Variants in SHC3 observed in about 807,000 individuals in gnomAD.
The protein encoded by SHC3 is SHC adaptor protein 3.
In SHC3, 15 loss-of-function variants were observed where a neutral mutation model predicts 60.4. The ratio of observed to expected loss-of-function variants is 0.25; its 90% confidence interval spans 0.17 to 0.38. The LOEUF is 0.38. Ranked by LOEUF, SHC3 falls within the 10% of genes least tolerant of loss-of-function variation. The probability of loss-of-function intolerance (pLI) is 1.00; values close to 1 mark genes in which losing one functional copy is unlikely to be tolerated. For synonymous variants in SHC3, 294 were observed against 325.9 expected, an observed-to-expected ratio of 0.90 and a Z score of 1.05; for missense variants, 677 against 786.1, an observed-to-expected ratio of 0.86 and a Z score of 1.66.
In SHC3 at chr9:89,146,320, G is replaced by C. The variant is rs552664301; in HGVS notation, c.474+31667C>G. ...TGCAGTAAGCTGAGATCGCGCCACTGCACTCCAGCCTGGGTGACGGAGCGA... is the reference window on the plus strand; with the variant it reads ...TGCAGTAAGCTGAGATCGCGCCACTCCACTCCAGCCTGGGTGACGGAGCGA... On this transcript the variant is annotated intron_variant, in intron 1 of 11. Transcript: ENST00000375835. Among the ~76,000 whole-genome samples, 53 of 151,970 alleles carry C rather than the reference G, an allele frequency of 3.5e-4. No individual in the cohort carries two copies. In the East Asian group the frequency reaches 6.2e-3, roughly 18 times the overall value.
chr9:89,112,421 C>G (rs978988396), intron 2 of SHC3, 135 bp downstream of exon 2: 3 of 818,652 alleles, frequency 3.7e-6, no homozygotes, highest in Non-Finnish European at 5.9e-6. Context: ...GAGATGAGGA[C>G]AGTACTGACT....
rs1826025356 is a variant in SHC3, at chr9:89,012,520, A to T, written c.*927T>A. On this transcript the variant is annotated 3_prime_UTR_variant, in exon 12 of 12. Coordinates refer to ENST00000375835, the MANE Select transcript of SHC3 (RefSeq NM_016848.6). ...ACACAGGCTTCTCCCCTATTGTATA[A>T]GGCGGGCGGGGGACTTTACTAGCAA... 1 of 152,064 alleles carries T rather than the reference A, an allele frequency of 6.6e-6. No homozygotes were observed. Among genetic ancestry groups the T allele is most frequent in the South Asian group, 2.1e-4 (1 of 4,822 alleles). The allele number at this position is 152,064 out of a possible 1,614,324, so 9.4% of individuals were successfully genotyped here.
intron 7 of SHC3, among the ~76,000 whole-genome samples, chr9:89,049,217 CGCCACTGCACTCCA>C (rs1824823287): frequency 6.6e-6 from 1 of 152,112 alleles, no homozygotes. Flanking sequence ...GCCAAGATCG[CGCCACTGCACTCCA>C]GCCTGAGTGA....
At chr9:89,119,413 G>A (rs548316392) in intron 1 of SHC3, among the ~76,000 whole-genome samples, 35 of 151,838 alleles carry the variant, frequency 2.3e-4, no homozygotes, top group African/African-American at 8.2e-4. Context: ...AATATGTATG[G>A]GTTAAACAAA....
intron 10 of SHC3, among the ~76,000 whole-genome samples, chr9:89,041,494 T>C (rs1190282986): frequency 6.6e-6 from 1 of 151,700 alleles, no homozygotes; most frequent in African/African-American, 2.4e-5. Context: ...TGGAGTGAGG[T>C]AAAAGGTGAG....
rs950555832 is a variant in SHC3, at chr9:89,146,602, G to C, written c.474+31385C>G. ...TAACCTAGAAGGTGGGGTGAACATGGGAGAGGGAGAATGGCAATGAGGGGA... is the reference window on the plus strand; with the variant it reads ...TAACCTAGAAGGTGGGGTGAACATGCGAGAGGGAGAATGGCAATGAGGGGA... On this transcript the variant is annotated intron_variant, in intron 1 of 11. Coordinates refer to ENST00000375835, the MANE Select transcript of SHC3 (RefSeq NM_016848.6). 9.2e-5 allele frequency among the ~76,000 whole-genome samples: 14 copies of C among 152,320 alleles called. No individual in the cohort carries two copies. The South Asian group carries it at 1.2e-3, about 14-fold the overall frequency.
At chr9:89,056,022 A>C (rs1169424363) in intron 6 of SHC3, among the ~76,000 whole-genome samples, 1 of 152,264 alleles carries the variant, frequency 6.6e-6, no homozygotes, top group Non-Finnish European at 1.5e-5. Flanking sequence ...TTACTCTGTC[A>C]GTCAGTATCT....
In SHC3 at chr9:89,178,540, G is replaced by A. The variant is rs1374188067; in HGVS notation, c.-80C>T. 3 of 1,332,332 alleles carry A rather than the reference G, an allele frequency of 2.3e-6. No homozygotes were observed. The highest frequency in any genetic ancestry group is 2.8e-5 in the East Asian group (1 of 35,280). The allele number at this position is 1,332,332 out of a possible 1,614,324, so 82.5% of individuals were successfully genotyped here. On this transcript the variant is annotated 5_prime_UTR_variant, in exon 1 of 12. Transcript: ENST00000375835. The surrounding 1 kb of genome is among the most constrained non-coding windows in gnomAD (Gnocchi z 6.9). ...GCGGGCTGCCGCGCATAGCAGGCGA[G>A]CCACTGTCCCCGGAGCGGGACGGAG...
chr9:89,103,034 T>C (rs574321122), intron 2 of SHC3, among the ~76,000 whole-genome samples: 1 of 152,222 alleles, frequency 6.6e-6, no homozygotes, highest in South Asian at 2.1e-4. Context: ...GAATTCAGTG[T>C]GGAGGATATG....
chr9:89,170,032 C>G (rs971806753), intron 1 of SHC3, among the ~76,000 whole-genome samples: 5 of 152,086 alleles, frequency 3.3e-5, no homozygotes, highest in Non-Finnish European at 5.9e-5. Context: ...TCTCTTTCTC[C>G]TGCTGCCAGT....
chr9:89,137,515 A>C (rs1056216515), intron 1 of SHC3, among the ~76,000 whole-genome samples: 1 of 152,200 alleles, frequency 6.6e-6, no homozygotes, highest in Non-Finnish European at 1.5e-5. Context: ...ACTCAAGTTC[A>C]TGATAAAAAA....
intron 1 of SHC3, among the ~76,000 whole-genome samples, chr9:89,171,723 T>A (rs1232378042): frequency 2.0e-5 from 3 of 152,158 alleles, no homozygotes; most frequent in African/African-American, 7.2e-5. Context: ...ATGGACAGGG[T>A]AAGGCACCTG....
chr9:89,129,274 CCT>C (rs1241115519), intron 1 of SHC3, among the ~76,000 whole-genome samples: 1 of 152,136 alleles, frequency 6.6e-6, no homozygotes, highest in East Asian at 1.9e-4. Context: ...ACCAAATCTA[CCT>C]CTGATTGGTG....
At chr9:89,027,478 G>A (rs189802784) in intron 11 of SHC3, among the ~76,000 whole-genome samples, 27 of 151,940 alleles carry the variant, frequency 1.8e-4, no homozygotes, top group Non-Finnish European at 2.9e-4. Flanking sequence ...CACCTCACCC[G>A]GCTAATTTTT....
At chr9:89,060,664 G>A (rs1334856028) in intron 6 of SHC3, among the ~76,000 whole-genome samples, 2 of 152,020 alleles carry the variant, frequency 1.3e-5, no homozygotes, top group Non-Finnish European at 2.9e-5. Context: ...GGGTGTTGGG[G>A]GAATGGGACA....
At chr9:89,123,794 C>T (rs1826124981) in intron 1 of SHC3, among the ~76,000 whole-genome samples, 2 of 152,154 alleles carry the variant, frequency 1.3e-5, no homozygotes, top group East Asian at 3.9e-4. Context: ...TTAGAGCCAT[C>T]TTCTGAGGTC....
chr9:89,158,330 T>G (rs1826656637), intron 1 of SHC3, among the ~76,000 whole-genome samples: 1 of 152,142 alleles, frequency 6.6e-6, no homozygotes, highest in South Asian at 2.1e-4. Flanking sequence ...CTATTATCAA[T>G]TATTAATTTA....
At chr9:89,078,067 A>G (rs1170390157) in intron 2 of SHC3, among the ~76,000 whole-genome samples, 164 bp from the exon 3 acceptor site, 1 of 149,154 alleles carries the variant, frequency 6.7e-6, no homozygotes, top group Non-Finnish European at 1.5e-5. Flanking sequence ...TAAAACACAA[A>G]ACTAAACAAA....
chr9:89,158,967 G>C (rs915240557), intron 1 of SHC3, among the ~76,000 whole-genome samples: 8 of 152,180 alleles, frequency 5.3e-5, no homozygotes, highest in Non-Finnish European at 7.3e-5. Flanking sequence ...GACAGAGGCT[G>C]ATAGTTGGAA....
Sources: gnomAD v4.1 joint callset for allele counts (sites outside exome capture counted in the v4.1 genomes callset) on GRCh38, gnomAD v4.1.1 for gene constraint, Gnocchi (gnomAD v3.1) non-coding constraint, MANE v1.5 for transcripts, NCBI Gene and HGNC (gene_info 2026-07-23, HGNC 2026-07-21) for gene names.